The following CAST variants were observed in gnomAD, a reference collection of about 807,000 sequenced individuals.
CAST encodes MIR583 host.
In CAST, 76 loss-of-function variants were observed where a neutral mutation model predicts 119.6. The ratio of observed to expected loss-of-function variants is 0.64; its 90% CI spans 0.53 to 0.77. The LOEUF is 0.77. Ranked by LOEUF, CAST falls within the 30% of genes least tolerant of loss-of-function variation. The probability of loss-of-function intolerance (pLI) is 0.00; values close to 1 mark genes in which losing one functional copy is unlikely to be tolerated. For synonymous variants in CAST, 319 were observed against 331.6 expected, an observed-to-expected ratio of 0.96 and a Z score of 0.41; for missense variants, 953 against 946.5, an observed-to-expected ratio of 1.01 and a Z score of -0.09.
the CAST span, among the ~76,000 whole-genome samples, chr5:96,355,407 A>G: frequency 2.6e-5 from 4 of 152,072 alleles, no homozygotes; most frequent in Non-Finnish European, 5.9e-5. Context: ...TATTTGCCAC[A>G]TTTTCTTTAT....
intron 1 of CAST, among the ~76,000 whole-genome samples, chr5:96,654,365 T>C (rs1748130174): frequency 6.6e-6 from 1 of 152,144 alleles, no homozygotes; most frequent in Non-Finnish European, 1.5e-5. Flanking sequence ...TTTCTTTCAC[T>C]TTCACTACTT....
the CAST span, among the ~76,000 whole-genome samples, chr5:95,999,004 C>T: frequency 0.069 from 10,463 of 151,958 alleles, 734 homozygotes; most frequent in African/African-American, 0.18. Context: ...TGATTAGTGA[C>T]GTTGAGCATT....
the CAST span, among the ~76,000 whole-genome samples, chr5:96,294,042 G>A: frequency 2.1e-3 from 320 of 152,290 alleles, 4 homozygotes; most frequent in South Asian, 0.032. Context: ...TTACAGGCAT[G>A]AGCCACTGTG....
At chr5:96,164,495 G>A in the CAST span, among the ~76,000 whole-genome samples, 1 of 152,234 alleles carries the variant, frequency 6.6e-6, no homozygotes, top group Non-Finnish European at 1.5e-5. Context: ...CCCATAAGGA[G>A]TAAGATTTGC....
chr5:96,173,788 T>A, the CAST span, among the ~76,000 whole-genome samples: 2 of 151,936 alleles, frequency 1.3e-5, no homozygotes, highest in Non-Finnish European at 2.9e-5. Context: ...TCGCCCAGGC[T>A]GGAATGCAGT....
the CAST span, among the ~76,000 whole-genome samples, chr5:96,123,147 CATT>C: frequency 6.6e-6 from 1 of 152,044 alleles, no homozygotes; most frequent in Non-Finnish European, 1.5e-5. Flanking sequence ...GTTCTATTCT[CATT>C]ATTATGCCAT....
At chr5:96,771,135 T>C (rs1028667997) in intron 30 of CAST, among the ~76,000 whole-genome samples, 2 of 152,204 alleles carry the variant, frequency 1.3e-5, no homozygotes, top group Admixed American at 1.3e-4. Flanking sequence ...CTGTAGTAGA[T>C]TCCCTTAAGG....
the CAST span, among the ~76,000 whole-genome samples, chr5:96,060,954 C>T: frequency 5.3e-5 from 8 of 152,114 alleles, no homozygotes; most frequent in Non-Finnish European, 1.2e-4. Flanking sequence ...ACTGTGTTCT[C>T]ATATGGCCTT....
chr5:96,766,096 A>T lies in CAST; in HGVS notation c.2081A>T (p.Asp694Val). The change falls in exon 27 of 32, where the codon GAT becomes GTT. Residue 694 changes from aspartate (D) to valine (V), a missense_variant. Transcript: ENST00000675179. ...AEHRDKLGER[D>V]DTIPPEYRHL... ...CATAGAGACAAGCTTGGAGAAAGAG[A>T]TGACACTATCCCACCTGAATACAGA... 6.2e-7 allele frequency: 1 copy of T among 1,611,890 alleles called. No individual in the cohort carries two copies. The highest frequency in any genetic ancestry group is 1.3e-5 in the African/African-American group (1 of 74,964).
the CAST span, among the ~76,000 whole-genome samples, chr5:96,170,625 G>A: frequency 2.0e-3 from 311 of 152,260 alleles, no homozygotes; most frequent in African/African-American, 6.9e-3. Flanking sequence ...AGACTAAAAC[G>A]GCCTTCTGAC....
intron 2 of CAST, among the ~76,000 whole-genome samples, chr5:96,680,354 CAAA>C (rs71617135): frequency 3.4e-5 from 1 of 29,292 alleles, no homozygotes; most frequent in African/African-American, 1.5e-4. Context: ...GACTCTGTCT[CAAA>C]AAAAAAAAAA....
chr5:96,043,639 G>A, the CAST span, among the ~76,000 whole-genome samples: 16 of 152,158 alleles, frequency 1.1e-4, no homozygotes, highest in Non-Finnish European at 2.9e-5. Context: ...CTAGAGGTAA[G>A]AAAAGAGGAT....
the CAST span, chr5:96,423,277 T>A: frequency 2.5e-6 from 4 of 1,583,104 alleles, no homozygotes; most frequent in Non-Finnish European, 3.4e-6. Context: ...CACAGACAGC[T>A]CCCTAAGTCA....
At chr5:96,747,265 A>G in intron 17 of CAST, 80 bp from the exon 18 acceptor site, 2 of 763,406 alleles carry the variant, frequency 2.6e-6, no homozygotes, top group Non-Finnish European at 4.6e-6. Context: ...CATATCCTGG[A>G]ATTCCCAGAA....
chr5:96,345,892 G>C, the CAST span, among the ~76,000 whole-genome samples: 40 of 152,326 alleles, frequency 2.6e-4, no homozygotes, highest in Non-Finnish European at 4.7e-4. Flanking sequence ...ATGAAAGTCA[G>C]GGTGTTTTTG....
At chr5:96,418,317 G>C in the CAST span, among the ~76,000 whole-genome samples, 1 of 152,110 alleles carries the variant, frequency 6.6e-6, no homozygotes, top group Non-Finnish European at 1.5e-5. Flanking sequence ...GTAGTAACTG[G>C]CATTTAAACA....
intron 1 of CAST, among the ~76,000 whole-genome samples, chr5:96,648,863 C>CCATT (rs1748057344): frequency 6.6e-6 from 1 of 152,098 alleles, no homozygotes; most frequent in Non-Finnish European, 1.5e-5. Context: ...TAAAGATGGT[C>CCATT]CATTCACCTG....
the CAST span, among the ~76,000 whole-genome samples, chr5:96,089,709 C>T: frequency 6.6e-6 from 1 of 152,248 alleles, no homozygotes; most frequent in Non-Finnish European, 1.5e-5. Flanking sequence ...CAACAGTTGC[C>T]TCTGATGAAG....
At chr5:96,757,353 A>C in intron 22 of CAST, 91 bp from the exon 23 acceptor site, 1 of 1,136,262 alleles carries the variant, frequency 8.8e-7, no homozygotes, top group South Asian at 1.3e-5. Context: ...CAGCAAGTAT[A>C]ACCTGTAGAC....
Sources: allele counts gnomAD v4.1 joint callset (sites outside exome capture counted in the v4.1 genomes callset), GRCh38; gene constraint gnomAD v4.1.1; transcripts MANE v1.5; gene names NCBI Gene and HGNC (gene_info 2026-07-23, HGNC 2026-07-21).